ERMP1: variants seen among roughly 807,000 people sequenced by gnomAD.
ERMP1 encodes the protein Felix-ina.
Under a neutral mutation model 92.0 loss-of-function variants are expected in ERMP1, and 86 were observed. The observed-to-expected ratio is 0.93, with a 90% CI of 0.79 to 1.12. ERMP1 has a LOEUF of 1.12. Ranked by LOEUF, ERMP1 falls within the 50% of genes most tolerant of loss-of-function variation. ERMP1 has a pLI of 0.00. For synonymous variants in ERMP1, 530 were observed against 412.8 expected (o/e 1.28, Z -3.44); for missense variants, 1,342 against 1,116.3 (o/e 1.20, Z -2.88).
intron 4 of ERMP1, among the ~76,000 whole-genome samples, chr9:5,817,758 G>C (rs930473511): frequency 2.6e-5 from 4 of 151,892 alleles, no homozygotes; most frequent in African/African-American, 7.3e-5. Flanking sequence ...AAGTTCTCTA[G>C]AAGTCCAGGG....
At chr9:5,822,432 G>A (rs947327360) in intron 4 of ERMP1, among the ~76,000 whole-genome samples, 5 of 152,002 alleles carry the variant, frequency 3.3e-5, no homozygotes, top group Admixed American at 1.3e-4. Context: ...AATCTCAAAC[G>A]CTTAGCTAAA....
chr9:5,808,238 C>G (rs1828943737), intron 8 of ERMP1, among the ~76,000 whole-genome samples: 1 of 152,240 alleles, frequency 6.6e-6, no homozygotes, highest in South Asian at 2.1e-4. Flanking sequence ...GTGTTACGAT[C>G]AGACAACTGA....
chr9:5,847,849 G>T (rs1466097264), intron 6 of ERMP1, among the ~76,000 whole-genome samples: 3 of 151,364 alleles, frequency 2.0e-5, no homozygotes. Context: ...GAGTCGAGAT[G>T]GCACCGCTGT....
At chr9:5,824,527 C>A (rs553753376) in intron 3 of ERMP1, among the ~76,000 whole-genome samples, 2 of 152,270 alleles carry the variant, frequency 1.3e-5, no homozygotes, top group East Asian at 1.9e-4. Flanking sequence ...CTCAACCTCC[C>A]GAATAGCTGG....
chr9:5,859,033 A>C (rs1830423896), intron 6 of ERMP1, among the ~76,000 whole-genome samples: 1 of 152,192 alleles, frequency 6.6e-6, no homozygotes, highest in Non-Finnish European at 1.5e-5. Context: ...TGTTTGCTCC[A>C]TGTAATGCAT....
chr9:5,835,376 A>T (rs1374359189), upstream of ERMP1, among the ~76,000 whole-genome samples: 2 of 151,934 alleles, frequency 1.3e-5, no homozygotes, highest in Non-Finnish European at 2.9e-5. Context: ...GTGTGTGTGT[A>T]TAAAATGTCA....
chr9:5,824,807 T>C (rs1177211916), intron 3 of ERMP1, among the ~76,000 whole-genome samples: 2 of 152,184 alleles, frequency 1.3e-5, no homozygotes, highest in Non-Finnish European at 2.9e-5. Context: ...GAAACTTCAA[T>C]GTCAAAGAAA....
chr9:5,794,128 TATCA>T (rs1563747652), intron 13 of ERMP1, among the ~76,000 whole-genome samples: 1 of 152,004 alleles, frequency 6.6e-6, no homozygotes, highest in Non-Finnish European at 1.5e-5. Flanking sequence ...AGAAATCAAT[TATCA>T]GAAAAATAGC....
intron 6 of ERMP1, among the ~76,000 whole-genome samples, chr9:5,811,908 T>C (rs1424841834): frequency 6.6e-6 from 1 of 152,136 alleles, no homozygotes; most frequent in Non-Finnish European, 1.5e-5. Flanking sequence ...GGCCAACTCC[T>C]TTTTCATTTC....
intron 5 of ERMP1, among the ~76,000 whole-genome samples, chr9:5,859,781 G>C (rs1036292053): frequency 2.0e-5 from 3 of 152,120 alleles, no homozygotes; most frequent in Non-Finnish European, 4.4e-5. Context: ...CTACAGAGAC[G>C]TACTATAATT....
In ERMP1 at chr9:5,820,468, G is replaced by T. The variant is rs777207416; in HGVS notation, c.874+3428C>A. 3.9e-5 allele frequency among the ~76,000 whole-genome samples: 6 copies of T among 152,158 alleles called. No homozygotes were observed. In the South Asian group the frequency reaches 6.2e-4, roughly 16 times the overall value. On this transcript the variant is annotated intron_variant, in intron 4 of 14. Coordinates refer to ENST00000339450, the MANE Select transcript of ERMP1 (RefSeq NM_024896.3). Reference sequence around the variant, plus strand: ...TTGCTCTGGATGGTAGAATTACAGGGGCATGAATATTTTCCCAAGAGGAAA... The same window carrying T: ...TTGCTCTGGATGGTAGAATTACAGGTGCATGAATATTTTCCCAAGAGGAAA...
intron 10 of ERMP1, among the ~76,000 whole-genome samples, chr9:5,803,281 C>T (rs541063107): frequency 8.5e-5 from 13 of 152,232 alleles, no homozygotes; most frequent in African/African-American, 2.9e-4. Flanking sequence ...CATCAAAGTG[C>T]GGCAGGGCTA....
intron 6 of ERMP1, among the ~76,000 whole-genome samples, chr9:5,852,518 A>G (rs1182248632): frequency 6.6e-6 from 1 of 152,080 alleles, no homozygotes; most frequent in Non-Finnish European, 1.5e-5. Flanking sequence ...AGCCTTTGAA[A>G]GTGCTGGGAT....
intron 4 of ERMP1, among the ~76,000 whole-genome samples, chr9:5,814,982 C>A (rs752593705): frequency 6.6e-6 from 1 of 151,774 alleles, no homozygotes; most frequent in Non-Finnish European, 1.5e-5. Context: ...ATGGGCTTAA[C>A]ACAAAGTTTA....
At position 5,864,977 on chromosome 9, in the gene ERMP1, GA is replaced by G. The variant is rs548908088; in HGVS notation, n.3055+2824del. On this transcript the variant is annotated intron_variant and non_coding_transcript_variant, in intron 5 of 6. Transcript: ENST00000690753. The stretch of plus-strand genomic sequence containing the variant: ...TATTTCTTTGGAGAGTTGTTTCATG[GA>G]AAAAAAAATCACTGAAGGAAAAATC... Among the ~76,000 whole-genome samples the G allele has an allele frequency of 4.0e-5, 6 of 151,154 alleles. No homozygotes were observed. The East Asian group carries it at 9.7e-4, about 24-fold the overall frequency.
chr9:5,795,953 A>G (rs1032667825), intron 13 of ERMP1, among the ~76,000 whole-genome samples: 2 of 152,182 alleles, frequency 1.3e-5, no homozygotes, highest in African/African-American at 2.4e-5. Context: ...GAACAATACC[A>G]TTTATTAATA....
intron 10 of ERMP1, among the ~76,000 whole-genome samples, chr9:5,803,614 T>A (rs1272197007): frequency 6.6e-6 from 1 of 152,204 alleles, no homozygotes; most frequent in Non-Finnish European, 1.5e-5. Flanking sequence ...ATTCAGTTCA[T>A]AACTAGTTGA....
At position 5,865,570 on chromosome 9, in the gene ERMP1, C is replaced by T. The variant is rs189923107; in HGVS notation, n.3055+2232G>A. 6.4e-4 allele frequency among the ~76,000 whole-genome samples: 97 copies of T among 150,924 alleles called. 1 individual carries two copies. Among genetic ancestry groups the T allele is most frequent in the African/African-American group, 2.2e-3 (92 of 41,162 alleles). On this transcript the variant is annotated intron_variant and non_coding_transcript_variant, in intron 5 of 6. Transcript: ENST00000690753. ...TATGCAGGCCGGGCGCAGTGGCTCA[C>T]GCCTGTAATCCCAACACTTTCGCAG... is the stretch of plus-strand genomic sequence containing the variant.
upstream of ERMP1, chr9:5,833,184 C>G (rs373657621): frequency 2.1e-5 from 14 of 682,182 alleles, no homozygotes; most frequent in South Asian, 2.7e-4. Context: ...GCGCCAAGAC[C>G]CAGCTTCTTT....
Sources: allele counts gnomAD v4.1 joint callset (sites outside exome capture counted in the v4.1 genomes callset), GRCh38; gene constraint gnomAD v4.1.1; transcripts MANE v1.5; gene names NCBI Gene and HGNC (gene_info 2026-07-23, HGNC 2026-07-21).